The following EPB41L4B variants were observed in gnomAD, a reference collection of about 807,000 sequenced individuals.
The protein encoded by EPB41L4B is erythrocyte membrane protein band 4.1 like 4B, also known as band 4.1-like protein 4B.
EPB41L4B carries 30 observed loss-of-function variants against 112.5 expected under a neutral mutation model. That is an observed-to-expected ratio of 0.27 (90% confidence interval 0.20 to 0.36). EPB41L4B has a LOEUF of 0.36. EPB41L4B is among the 10% of genes least tolerant of loss of function. The pLI, the probability that EPB41L4B is intolerant of heterozygous loss-of-function variation, is 1.00. For missense variants in EPB41L4B, 1,024 were observed against 1,133.3 expected (o/e 0.90, Z 1.38); for synonymous variants, 408 against 439.7 (o/e 0.93, Z 0.90).
chr9:109,179,905 C>A (rs140570178), intron 24 of EPB41L4B, among the ~76,000 whole-genome samples: 54 of 152,276 alleles, frequency 3.5e-4, no homozygotes, highest in African/African-American at 1.2e-3. Flanking sequence ...TGCCTGGATG[C>A]CACTGTCCTC....
intron 1 of EPB41L4B, among the ~76,000 whole-genome samples, chr9:109,288,818 T>C (rs1836410324): frequency 6.8e-6 from 1 of 147,218 alleles, no homozygotes; most frequent in African/African-American, 2.5e-5. Context: ...GGAGGATCAC[T>C]TGAGCCCAGG....
At chr9:109,239,741 G>A in intron 15 of EPB41L4B, 1 of 829,588 alleles carries the variant, frequency 1.2e-6, no homozygotes, top group Non-Finnish European at 1.5e-6. Context: ...TTTAAGCAGA[G>A]AGGTATTTAT....
intron 15 of EPB41L4B, among the ~76,000 whole-genome samples, chr9:109,230,540 T>C (rs997754063): frequency 1.8e-4 from 28 of 152,204 alleles, no homozygotes; most frequent in African/African-American, 6.8e-4. Flanking sequence ...GAAAGTACAA[T>C]TTACTCATTC....
chr9:109,259,469 G>C (rs1445407329), intron 6 of EPB41L4B, among the ~76,000 whole-genome samples: 1 of 152,166 alleles, frequency 6.6e-6, no homozygotes, highest in East Asian at 1.9e-4. Flanking sequence ...GCACACATCA[G>C]ATCCCATCAA....
chr9:109,301,540 C>T (rs1427453006), intron 1 of EPB41L4B, among the ~76,000 whole-genome samples: 1 of 152,202 alleles, frequency 6.6e-6, no homozygotes, highest in Non-Finnish European at 1.5e-5. Flanking sequence ...CCCGAGGCAA[C>T]AGTTATTCTC....
intron 22 of EPB41L4B, among the ~76,000 whole-genome samples, chr9:109,191,736 T>TA (rs1215238619): frequency 3.3e-5 from 5 of 152,100 alleles, no homozygotes; most frequent in African/African-American, 1.2e-4. Context: ...AAATTGACCC[T>TA]AATTCTCAGA....
At chr9:109,249,206 C>A (rs980049634) in intron 13 of EPB41L4B, among the ~76,000 whole-genome samples, 70 of 152,060 alleles carry the variant, frequency 4.6e-4, no homozygotes, top group African/African-American at 1.6e-3. Flanking sequence ...ATAAGTCTTG[C>A]TTGGGGTCTA....
Position 109,243,687 on chromosome 9 carries a change from A to T in EPB41L4B, c.1345-5T>A. 2 of 1,614,024 alleles carry T rather than the reference A, an allele frequency of 1.2e-6. No individual in the cohort carries two copies. The highest frequency in any genetic ancestry group is 1.7e-6 in the Non-Finnish European group (2 of 1,179,880). On this transcript the variant is annotated splice_polypyrimidine_tract_variant and splice_region_variant and intron_variant, in intron 14 of 25. Coordinates refer to ENST00000374566, the MANE Select transcript of EPB41L4B (RefSeq NM_019114.5). ...GATATTAGGATGATATTGAGGCTAG[A>T]AATAAAACACCAAACTTGATTATTT...
intron 1 of EPB41L4B, chr9:109,307,138 C>A: frequency 2.6e-6 from 1 of 379,302 alleles, no homozygotes; most frequent in Non-Finnish European, 5.2e-6. Context: ...AGCTCATTCC[C>A]TGAAGCGAGT....
chr9:109,295,035 A>T (rs1214174089), intron 1 of EPB41L4B, among the ~76,000 whole-genome samples: 3 of 152,076 alleles, frequency 2.0e-5, no homozygotes, highest in Non-Finnish European at 4.4e-5. Context: ...ATTACTCCAA[A>T]CCATTAACAA....
At chr9:109,243,518 T>C in intron 15 of EPB41L4B, 100 bp downstream of exon 15, 1 of 1,162,458 alleles carries the variant, frequency 8.6e-7, no homozygotes, top group African/African-American at 1.5e-5. Flanking sequence ...TTAAGGGTTA[T>C]TTCTGATGCA....
chr9:109,258,746 T>A (rs1835077120), intron 6 of EPB41L4B, among the ~76,000 whole-genome samples: 2 of 151,952 alleles, frequency 1.3e-5, no homozygotes, highest in Admixed American at 1.3e-4. Context: ...ATTCGGCACA[T>A]GCAGCATCCA....
intron 20 of EPB41L4B, among the ~76,000 whole-genome samples, chr9:109,199,416 C>T (rs903347864): frequency 1.3e-5 from 2 of 152,102 alleles, no homozygotes; most frequent in Non-Finnish European, 2.9e-5. Flanking sequence ...CACCTGCAGT[C>T]CCAGCACTTT....
At chr9:109,189,560 C>T (rs1832387047) in intron 22 of EPB41L4B, among the ~76,000 whole-genome samples, 2 of 152,306 alleles carry the variant, frequency 1.3e-5, no homozygotes, top group African/African-American at 2.4e-5. Flanking sequence ...AACCACTCTA[C>T]ACAGAGACCG....
At chr9:109,243,350 G>C (rs768818435) in intron 15 of EPB41L4B, among the ~76,000 whole-genome samples, 3 of 150,334 alleles carry the variant, frequency 2.0e-5, no homozygotes, top group Non-Finnish European at 4.4e-5. Context: ...GTAACATCTT[G>C]AACACAAAAC....
intron 6 of EPB41L4B, among the ~76,000 whole-genome samples, chr9:109,259,571 C>T (rs1455543247): frequency 6.6e-6 from 1 of 152,126 alleles, no homozygotes; most frequent in East Asian, 1.9e-4. Context: ...CACAAGAGGA[C>T]TTGGATCCCA....
At chr9:109,221,815 G>A (rs1430014715) in intron 15 of EPB41L4B, among the ~76,000 whole-genome samples, 1 of 152,218 alleles carries the variant, frequency 6.6e-6, no homozygotes. Context: ...CGTACATTCA[G>A]GGCTGGAGGT....
At chr9:109,292,255 G>C (rs1472223939) in intron 1 of EPB41L4B, among the ~76,000 whole-genome samples, 2 of 152,180 alleles carry the variant, frequency 1.3e-5, no homozygotes, top group Non-Finnish European at 2.9e-5. Context: ...GAAGCTACTT[G>C]ATTCTGGCTG....
chr9:109,254,655 G>GCATA (rs1834915214), intron 11 of EPB41L4B, among the ~76,000 whole-genome samples: 1 of 152,126 alleles, frequency 6.6e-6, no homozygotes, highest in Non-Finnish European at 1.5e-5. Flanking sequence ...ACACACACAT[G>GCATA]CATACCCACA....
Sources: allele counts gnomAD v4.1 joint callset (sites outside exome capture counted in the v4.1 genomes callset), GRCh38; gene constraint gnomAD v4.1.1; transcripts MANE v1.5; gene names NCBI Gene and HGNC (gene_info 2026-07-23, HGNC 2026-07-21).